The following DEAF1 variants were observed in gnomAD, a reference collection of about 807,000 sequenced individuals.
The protein encoded by DEAF1 is DEAF1 transcription factor.
Under a neutral mutation model 58.9 loss-of-function variants are expected in DEAF1, and 53 were observed. That is an observed-to-expected ratio of 0.90 (90% CI 0.72 to 1.13). The LOEUF (loss-of-function observed/expected upper bound fraction) is 1.13. Ranked by LOEUF, DEAF1 falls within the 50% of genes most tolerant of loss-of-function variation. The probability of loss-of-function intolerance (pLI) is 0.00; values close to 1 mark genes in which losing one functional copy is unlikely to be tolerated. For missense variants in DEAF1, 685 were observed against 791.4 expected, an observed-to-expected ratio of 0.87 and a Z score of 1.61; for synonymous variants, 385 against 340.4, an observed-to-expected ratio of 1.13 and a Z score of -1.44.
chr11:647,782 G>T (rs558666948), intron 11 of DEAF1, among the ~76,000 whole-genome samples: 43 of 152,346 alleles, frequency 2.8e-4, no homozygotes, highest in African/African-American at 1.0e-3. Context: ...TGCCACCACA[G>T]CACGTAGGTG....
chr11:656,425 TG>T (rs1859058766), intron 10 of DEAF1, among the ~76,000 whole-genome samples: 1 of 152,262 alleles, frequency 6.6e-6, no homozygotes, highest in South Asian at 2.1e-4. Flanking sequence ...CCCAAAATGC[TG>T]GGATTACAGG....
chr11:661,139 G>C (rs112481103), intron 10 of DEAF1, among the ~76,000 whole-genome samples: 3 of 152,340 alleles, frequency 2.0e-5, no homozygotes, highest in African/African-American at 7.2e-5. Context: ...CGAGCTACTA[G>C]AAACGGGGAC....
chr11:704,787 C>A, intron 1 of DEAF1: 1 of 572,368 alleles, frequency 1.7e-6, no homozygotes, highest in Non-Finnish European at 2.7e-6. Context: ...GCAGGCTCCG[C>A]ACTCAAAATC....
chr11:648,393 C>T (rs1475399451), intron 11 of DEAF1, among the ~76,000 whole-genome samples: 2 of 152,196 alleles, frequency 1.3e-5, no homozygotes, highest in East Asian at 1.9e-4. Flanking sequence ...GACGGGGTTT[C>T]ACCATGTTAG....
chr11:702,798 G>A (rs1861555484), intron 1 of DEAF1: 1 of 738,922 alleles, frequency 1.4e-6, no homozygotes, highest in Non-Finnish European at 2.1e-6. Flanking sequence ...GGTGGCCATG[G>A]AGGCTGTTTC....
intron 8 of DEAF1, 135 bp from the exon 9 acceptor site, chr11:678,957 TGTG>T (rs1860207395): frequency 8.6e-7 from 1 of 1,164,686 alleles, no homozygotes; most frequent in Non-Finnish European, 1.2e-6. Context: ...GCCCCTGAAA[TGTG>T]GTGATCCTGA....
At chr11:699,922 T>G, upstream of DEAF1, 1 of 546,402 alleles carries the variant, frequency 1.8e-6, no homozygotes, top group Non-Finnish European at 3.3e-6. Context: ...TGTTGTGGCA[T>G]GGAGGGGGGT....
chr11:704,605 A>T (rs79537173), intron 1 of DEAF1: 4 of 427,042 alleles, frequency 9.4e-6, no homozygotes, highest in Non-Finnish European at 1.3e-5. Flanking sequence ...CCAGGGAAGG[A>T]CCCCCTCCCT....
chr11:698,199 A>G (rs1368661449), upstream of DEAF1, among the ~76,000 whole-genome samples: 1 of 152,118 alleles, frequency 6.6e-6, no homozygotes, highest in East Asian at 1.9e-4. Flanking sequence ...GCTCCAGGTC[A>G]GCGTGGATCC....
intron 6 of DEAF1, among the ~76,000 whole-genome samples, chr11:684,489 C>T (rs7118663): frequency 0.4 from 60,303 of 151,272 alleles, 13,175 homozygotes; most frequent in East Asian, 0.58. Context: ...TAAGGAAATA[C>T]GTCAAAAAGG....
chr11:666,033 G>A (rs1045125826), intron 10 of DEAF1: 1 of 151,292 alleles, frequency 6.6e-6, no homozygotes, highest in Admixed American at 6.7e-5. Flanking sequence ...CAGAGACTGC[G>A]GCTGCTGCTC....
At chr11:693,299 G>A (rs748279393) in intron 1 of DEAF1, among the ~76,000 whole-genome samples, 1 of 152,102 alleles carries the variant, frequency 6.6e-6, no homozygotes, top group East Asian at 1.9e-4. Context: ...AGAGTTTAGC[G>A]ACGGACGCCA....
chr11:680,471 A>G (rs985904393), intron 7 of DEAF1, among the ~76,000 whole-genome samples: 1 of 152,174 alleles, frequency 6.6e-6, no homozygotes, highest in Non-Finnish European at 1.5e-5. Flanking sequence ...TTAGCTGGGC[A>G]TGGTGGCACG....
At chr11:660,983 A>G (rs1325484082) in intron 10 of DEAF1, among the ~76,000 whole-genome samples, 2 of 152,200 alleles carry the variant, frequency 1.3e-5, no homozygotes, top group Non-Finnish European at 2.9e-5. Flanking sequence ...ATCCAGGCAC[A>G]GCACAGACCT....
At chr11:646,786 T>C (rs928932657) in intron 11 of DEAF1, among the ~76,000 whole-genome samples, 1 of 152,076 alleles carries the variant, frequency 6.6e-6, no homozygotes, top group African/African-American at 2.4e-5. Flanking sequence ...AAAGCCAGAA[T>C]TAGAAGTTAG....
chr11:687,005 G>T lies in DEAF1; in HGVS notation c.665-8C>A, dbSNP rs752827960. On this transcript the variant is annotated splice_region_variant and splice_polypyrimidine_tract_variant and intron_variant, in intron 4 of 11. Transcript: ENST00000382409. The stretch of plus-strand genomic sequence containing the variant: ...TGCACCGTCCCCGGCCGCCTGCAAG[G>T]AAGGGCAGCAGTCATGATGATGGCA... The T allele has an allele frequency of 6.2e-7, 1 of 1,613,954 alleles. No individual in the cohort carries two copies. Among genetic ancestry groups the T allele is most frequent in the Non-Finnish European group, 8.5e-7 (1 of 1,180,044 alleles).
At chr11:662,529 CCGCCCAGCCCAGG>C (rs1440179859) in intron 10 of DEAF1, among the ~76,000 whole-genome samples, 1 of 152,176 alleles carries the variant, frequency 6.6e-6, no homozygotes, top group Non-Finnish European at 1.5e-5. Flanking sequence ...CCTCCGACTC[CCGCCCAGCCCAGG>C]CGCCCCCCAG....
chr11:701,442 G>C (rs1362633472), intron 1 of DEAF1, among the ~76,000 whole-genome samples: 2 of 115,248 alleles, frequency 1.7e-5, no homozygotes, highest in African/African-American at 3.4e-5. Flanking sequence ...ACAGAGTCTC[G>C]CTCTGTCGCC....
chr11:703,138 C>T lies in DEAF1; in HGVS notation c.-438+3434G>A, dbSNP rs201034274. 4.4e-6 allele frequency: 7 copies of T among 1,606,618 alleles called. No homozygotes were observed. The South Asian group carries it at 6.6e-5, about 15-fold the overall frequency. ...TCCTGCAGGTGGTTGCCATCGCGGC[C>T]TTCACCAGGTAGCTACGGACACCCG... On this transcript the variant is annotated intron_variant, in intron 1 of 11. Transcript: ENST00000683307.
Sources: allele counts gnomAD v4.1 joint callset (sites outside exome capture counted in the v4.1 genomes callset), GRCh38; gene constraint gnomAD v4.1.1; transcripts MANE v1.5; gene names NCBI Gene and HGNC (gene_info 2026-07-23, HGNC 2026-07-21).